The following WDR72 variants were observed in gnomAD, a reference collection of about 807,000 sequenced individuals.
The protein encoded by WDR72 is WD repeat domain 72.
Under a neutral mutation model 124.2 loss-of-function variants are expected in WDR72, and 120 were observed. The observed-to-expected ratio is 0.97, with a 90% CI of 0.83 to 1.12. The LOEUF (loss-of-function observed/expected upper bound fraction) is 1.12. Ranked by LOEUF, WDR72 falls within the 50% of genes most tolerant of loss-of-function variation. The probability of loss-of-function intolerance (pLI) is 0.00; values close to 1 mark genes in which losing one functional copy is unlikely to be tolerated. For missense variants in WDR72, 1,387 were observed against 1,278.8 expected (o/e 1.08, Z -1.29); for synonymous variants, 452 against 441.7 (o/e 1.02, Z -0.29).
chr15:53,735,007 T>A (rs1433423796), intron 1 of WDR72, among the ~76,000 whole-genome samples: 1 of 152,020 alleles, frequency 6.6e-6, no homozygotes, highest in Non-Finnish European at 1.5e-5. Context: ...ATGACAAGTG[T>A]TAATGGCTAG....
rs890056198 is a variant in WDR72, at chr15:53,705,842, C to T, written c.1102+85G>A. 4 of 1,541,148 alleles carry T rather than the reference C, an allele frequency of 2.6e-6. No individual in the cohort carries two copies. In the Admixed American group the frequency reaches 5.1e-5, roughly 19 times the overall value. On this transcript the variant is annotated intron_variant, in intron 10 of 19. Coordinates refer to ENST00000360509, the MANE Select transcript of WDR72 (RefSeq NM_182758.4). ...CAATAAATTTTTCTTGTTTGTGGTCCCATGCTGCTCAACTTAGAAGAACAA... is the reference window on the plus strand; with the variant it reads ...CAATAAATTTTTCTTGTTTGTGGTCTCATGCTGCTCAACTTAGAAGAACAA...
intron 14 of WDR72, among the ~76,000 whole-genome samples, chr15:53,644,946 T>TA (rs1308208344): frequency 3.3e-5 from 5 of 152,120 alleles, no homozygotes; most frequent in Admixed American, 6.6e-5. Context: ...AGCTAAGTGT[T>TA]AGAGTACCTT....
chr15:53,572,568 A>G (rs909909922), intron 18 of WDR72, among the ~76,000 whole-genome samples: 5 of 152,220 alleles, frequency 3.3e-5, no homozygotes, highest in African/African-American at 1.2e-4. Context: ...TCCATGAAAG[A>G]AAAAAATTGA....
chr15:53,547,120 C>A (rs1347989248), intron 18 of WDR72, among the ~76,000 whole-genome samples: 3 of 152,212 alleles, frequency 2.0e-5, no homozygotes, highest in Non-Finnish European at 4.4e-5. Context: ...GATTTCCCAT[C>A]AAAATAAGGA....
At chr15:53,598,027 C>T (rs1342989603) in intron 17 of WDR72, among the ~76,000 whole-genome samples, 2 of 152,108 alleles carry the variant, frequency 1.3e-5, no homozygotes, top group Non-Finnish European at 2.9e-5. Flanking sequence ...ATATCCTCTG[C>T]CCTCAGTGCA....
chr15:53,524,248 G>A (rs1854153033), intron 18 of WDR72, among the ~76,000 whole-genome samples: 1 of 152,072 alleles, frequency 6.6e-6, no homozygotes, highest in African/African-American at 2.4e-5. Flanking sequence ...GAGTACAATG[G>A]AATTTTATTT....
intron 14 of WDR72, among the ~76,000 whole-genome samples, chr15:53,642,341 T>C (rs1474525127): frequency 6.6e-6 from 1 of 152,026 alleles, no homozygotes; most frequent in Non-Finnish European, 1.5e-5. Context: ...GTACTGATAC[T>C]GAAAGATGTC....
At chr15:53,640,435 G>T (rs2014804142) in intron 14 of WDR72, among the ~76,000 whole-genome samples, 1 of 152,084 alleles carries the variant, frequency 6.6e-6, no homozygotes, top group African/African-American at 2.4e-5. Flanking sequence ...AGAATTTGGG[G>T]TAATTTGGAA....
chr15:53,637,941 G>A (rs573757702), intron 14 of WDR72, among the ~76,000 whole-genome samples: 38 of 152,234 alleles, frequency 2.5e-4, no homozygotes, highest in African/African-American at 9.1e-4. Context: ...TCAATGGGGG[G>A]TGGGGAGTGG....
intron 3 of WDR72, among the ~76,000 whole-genome samples, chr15:53,718,201 G>T (rs1251617759): frequency 7.0e-6 from 1 of 141,990 alleles, no homozygotes. Context: ...TTGGGATCCT[G>T]GCATGTGTGG....
upstream of WDR72, among the ~76,000 whole-genome samples, chr15:53,759,962 G>A (rs1365920507): frequency 6.6e-6 from 1 of 151,236 alleles, no homozygotes; most frequent in African/African-American, 2.4e-5. Flanking sequence ...GATCAAAAGA[G>A]CCCAGGTGAC....
At chr15:53,704,405 A>T (rs577373673) in intron 11 of WDR72, among the ~76,000 whole-genome samples, 2 of 152,340 alleles carry the variant, frequency 1.3e-5, no homozygotes, top group South Asian at 4.1e-4. Context: ...GAAAATTTCA[A>T]GAAGAGTATA....
intron 1 of WDR72, among the ~76,000 whole-genome samples, chr15:53,754,823 A>G (rs1454824160): frequency 6.6e-6 from 1 of 152,168 alleles, no homozygotes; most frequent in Non-Finnish European, 1.5e-5. Flanking sequence ...ATTCAATTTT[A>G]TGATGTTAAT....
chr15:53,555,422 G>C (rs1893892628), intron 18 of WDR72, among the ~76,000 whole-genome samples: 1 of 151,930 alleles, frequency 6.6e-6, no homozygotes, highest in South Asian at 2.1e-4. Flanking sequence ...GGGAAATGTA[G>C]GGGGAGAGAG....
chr15:53,685,026 AACGGAAAGG>A (rs1376542366), intron 13 of WDR72, among the ~76,000 whole-genome samples: 2 of 152,172 alleles, frequency 1.3e-5, no homozygotes, highest in East Asian at 3.9e-4. Context: ...AAAACTAATA[AACGGAAAGG>A]ACATCCACAC....
At chr15:53,638,077 A>G (rs900939434) in intron 14 of WDR72, among the ~76,000 whole-genome samples, 2 of 152,194 alleles carry the variant, frequency 1.3e-5, no homozygotes, top group African/African-American at 4.8e-5. Flanking sequence ...TGACCAATGA[A>G]AGCAGCATTT....
At chr15:53,635,193 G>A (rs2014579064) in intron 14 of WDR72, among the ~76,000 whole-genome samples, 1 of 152,192 alleles carries the variant, frequency 6.6e-6, no homozygotes, top group South Asian at 2.1e-4. Flanking sequence ...CATTCAAAGA[G>A]ATACACATTT....
intron 13 of WDR72, among the ~76,000 whole-genome samples, chr15:53,671,017 T>C (rs1020331628): frequency 6.6e-5 from 10 of 152,174 alleles, no homozygotes; most frequent in South Asian, 2.1e-4. Context: ...TAGGATTATA[T>C]ATTTGACTTA....
At chr15:53,603,687 A>G (rs2013145493) in intron 17 of WDR72, among the ~76,000 whole-genome samples, 1 of 151,904 alleles carries the variant, frequency 6.6e-6, no homozygotes, top group African/African-American at 2.4e-5. Context: ...TCCTATAAAC[A>G]ACAGTCAAGC....
Sources: allele counts gnomAD v4.1 joint callset (sites outside exome capture counted in the v4.1 genomes callset), GRCh38; gene constraint gnomAD v4.1.1; transcripts MANE v1.5; gene names NCBI Gene and HGNC (gene_info 2026-07-23, HGNC 2026-07-21).